The following RABGEF1 variants were observed in gnomAD, a reference collection of about 807,000 sequenced individuals.
RABGEF1 encodes the protein RAB guanine nucleotide exchange factor 1.
Under a neutral mutation model 57.3 loss-of-function variants are expected in RABGEF1, and 26 were observed. That is an observed-to-expected ratio of 0.45 (90% CI 0.33 to 0.63). RABGEF1 has a LOEUF of 0.63. Among genes scored for constraint, RABGEF1 ranks in the 20% least tolerant of loss-of-function variants. RABGEF1 has a pLI of 0.02. For missense variants in RABGEF1, 464 were observed against 607.6 expected (o/e 0.76, Z 2.48); for synonymous variants, 185 against 210.7 (o/e 0.88, Z 1.06).
At chr7:66,763,430 C>G (rs1279021767) in intron 1 of RABGEF1, among the ~76,000 whole-genome samples, 1 of 152,178 alleles carries the variant, frequency 6.6e-6, no homozygotes, top group Non-Finnish European at 1.5e-5. Context: ...AATTTCTTGG[C>G]TATTAGTCTC....
At chr7:66,735,929 G>A (rs909709558), upstream of RABGEF1, among the ~76,000 whole-genome samples, 1 of 152,128 alleles carries the variant, frequency 6.6e-6, no homozygotes, top group Non-Finnish European at 1.5e-5. Context: ...AGAACAAATT[G>A]AGAACTAGAT....
the RABGEF1 span, among the ~76,000 whole-genome samples, chr7:66,673,130 G>A: frequency 3.6e-5 from 5 of 138,898 alleles, no homozygotes; most frequent in African/African-American, 5.6e-5. Flanking sequence ...GCCAGGCAAG[G>A]GCATGGCAGA....
At chr7:66,664,849 C>T in the RABGEF1 span, among the ~76,000 whole-genome samples, 9 of 152,372 alleles carry the variant, frequency 5.9e-5, no homozygotes, top group South Asian at 1.2e-3. Flanking sequence ...TTCGGGGTGC[C>T]TCCCACGCCT....
At chr7:66,775,418 T>C (rs768215007) in intron 3 of RABGEF1, 25 bp downstream of exon 3, 4 of 1,609,878 alleles carry the variant, frequency 2.5e-6, no homozygotes, top group East Asian at 2.2e-5. Context: ...CTCTTTTTTT[T>C]CTTCTCTGCC....
chr7:66,760,197 G>A (rs922355749), intron 1 of RABGEF1, among the ~76,000 whole-genome samples: 2 of 152,092 alleles, frequency 1.3e-5, no homozygotes, highest in Non-Finnish European at 2.9e-5. Context: ...CCTTGCCTTC[G>A]ACACTCTTAA....
chr7:66,710,316 T>C (rs926758203), intron 1 of RABGEF1, among the ~76,000 whole-genome samples: 8 of 152,244 alleles, frequency 5.3e-5, no homozygotes, highest in Admixed American at 1.3e-4. Context: ...TTTTAGCGTT[T>C]AGCTTTTACC....
rs564735161 is a variant in RABGEF1 at position 66,699,584 on chromosome 7, C to T, written c.-872-12583C>T. Among the ~76,000 whole-genome samples the T allele has an allele frequency of 7.9e-5, 12 of 151,482 alleles. No individual in the cohort carries two copies. The South Asian group carries it at 1.3e-3, about 16-fold the overall frequency. ...GCAGGCACCTGTAATCTTAGCTACT[C>T]GGGAGGCTGAGGCAGAAGAATCACT... On this transcript the variant is annotated intron_variant and NMD_transcript_variant, in intron 1 of 9. Coordinates refer to the RABGEF1 transcript ENST00000607882.
chr7:66,803,475 G>A (rs1787755234), intron 7 of RABGEF1, among the ~76,000 whole-genome samples: 1 of 152,198 alleles, frequency 6.6e-6, no homozygotes, highest in Admixed American at 6.5e-5. Flanking sequence ...CCAGAGGTAC[G>A]CTGCCTCTCC....
At chr7:66,754,604 A>G (rs1371141472) in intron 1 of RABGEF1, among the ~76,000 whole-genome samples, 15 of 151,852 alleles carry the variant, frequency 9.9e-5, no homozygotes, top group Admixed American at 9.8e-4. Context: ...TTTTCAGTAC[A>G]TTGGCCAGTC....
intron 1 of RABGEF1, among the ~76,000 whole-genome samples, chr7:66,704,312 C>T (rs2117290919): frequency 6.6e-6 from 1 of 152,280 alleles, no homozygotes; most frequent in Non-Finnish European, 1.5e-5. Context: ...AAAAAAATTT[C>T]AGAGTTCCAG....
chr7:66,783,834 A>T lies in RABGEF1; in HGVS notation c.506A>T (p.Tyr169Phe). ...QTKLFLEGMH[Y>F]KRDLSIEEQS... ...AAGCTGTTTTTGGAAGGAATGCATT[A>T]CAAAAGGGTAGGTTGAGAATAACCA... is the stretch of plus-strand genomic sequence containing the variant. The change falls in exon 4 of 9, where the codon TAC becomes TTC. Residue 169 changes from tyrosine (Y) to phenylalanine (F), a missense_variant. Tyr to Phe is a conservative substitution (Grantham distance 22). Coordinates refer to ENST00000284957, the MANE Select transcript of RABGEF1 (RefSeq NM_014504.3). 1 of 1,612,608 alleles carries T rather than the reference A, an allele frequency of 6.2e-7. No individual in the cohort carries two copies. Among genetic ancestry groups the T allele is most frequent in the Non-Finnish European group, 8.5e-7 (1 of 1,179,072 alleles).
At chr7:66,808,827 A>G (rs942066276) in intron 8 of RABGEF1, 59 bp from the exon 9 acceptor site, 9 of 1,425,242 alleles carry the variant, frequency 6.3e-6, no homozygotes, top group African/African-American at 1.4e-5. Context: ...ATTTTTACAA[A>G]TCGACTCGAG....
chr7:66,711,298 CTTTGCCTAACCTAATTA>C (rs1794742293), intron 1 of RABGEF1, among the ~76,000 whole-genome samples: 2 of 151,922 alleles, frequency 1.3e-5, no homozygotes, highest in Admixed American at 1.3e-4. Flanking sequence ...TCTAAGAACT[CTTTGCCTAACCTAATTA>C]TTTGCCTAAC....
intron 1 of RABGEF1, among the ~76,000 whole-genome samples, chr7:66,707,923 T>C (rs1794327265): frequency 6.6e-6 from 1 of 152,236 alleles, no homozygotes; most frequent in African/African-American, 2.4e-5. Flanking sequence ...GACATTAATA[T>C]AGCCACTCTA....
intron 1 of RABGEF1, among the ~76,000 whole-genome samples, chr7:66,708,759 G>A (rs1794428862): frequency 1.3e-5 from 2 of 152,124 alleles, no homozygotes; most frequent in African/African-American, 4.8e-5. Context: ...TTGCAGTGAG[G>A]TATGATTGTA....
intron 1 of RABGEF1, among the ~76,000 whole-genome samples, chr7:66,684,963 A>T (rs571264020): frequency 7.2e-5 from 11 of 151,992 alleles, no homozygotes; most frequent in Admixed American, 6.6e-5. Flanking sequence ...TGGAATCCCT[A>T]TATGTTTCCC....
intron 1 of RABGEF1, among the ~76,000 whole-genome samples, chr7:66,746,317 T>G (rs1018390522): frequency 6.6e-6 from 1 of 152,024 alleles, no homozygotes; most frequent in Non-Finnish European, 1.5e-5. Flanking sequence ...TCTTTTTTTC[T>G]TTTTGAGACG....
At chr7:66,680,956 G>A (rs1164020643), upstream of RABGEF1, among the ~76,000 whole-genome samples, 1 of 152,076 alleles carries the variant, frequency 6.6e-6, no homozygotes, top group Non-Finnish European at 1.5e-5. Context: ...GGTGGCGGGC[G>A]CCTATAATTC....
Position 66,808,970 on chromosome 7 carries a change from C to T in RABGEF1, c.1162C>T (p.Gln388Ter). ...GGATTTTGATCGCTACATGTCTGGC[C>T]AGACCTCTCCCAGGAAGCAAGAAGC... ...QEDFDRYMSGQTSPRKQEAES... is the reference protein window; with the variant it reads ...QEDFDRYMSG The change falls in exon 9 of 9, where the codon CAG becomes TAG. Residue 388 changes from glutamine to a stop codon, truncating the protein, a stop_gained. Coordinates refer to ENST00000284957, the MANE Select transcript of RABGEF1 (RefSeq NM_014504.3). LOFTEE classifies it high-confidence loss of function. 1 of 1,614,118 alleles carries T rather than the reference C, an allele frequency of 6.2e-7. No homozygotes were observed. Among genetic ancestry groups the T allele is most frequent in the Non-Finnish European group, 8.5e-7 (1 of 1,180,020 alleles).
Sources: allele counts gnomAD v4.1 joint callset (sites outside exome capture counted in the v4.1 genomes callset), GRCh38; gene constraint gnomAD v4.1.1; transcripts MANE v1.5; gene names NCBI Gene and HGNC (gene_info 2026-07-23, HGNC 2026-07-21).